The following NEDD4 variants were observed in gnomAD, a reference collection of about 807,000 sequenced individuals.
NEDD4 encodes the protein E3 ubiquitin-protein ligase NEDD4.
A neutral mutation model predicts 144.9 loss-of-function variants in NEDD4; 99 were observed. The ratio of observed to expected loss-of-function variants is 0.68; its 90% CI spans 0.58 to 0.81. NEDD4 has a LOEUF of 0.81. Among genes scored for constraint, NEDD4 ranks in the 30% least tolerant of loss-of-function variants. The pLI is 0.00. For synonymous variants in NEDD4, 318 were observed against 350.6 expected (o/e 0.91, Z 1.04); for missense variants, 985 against 1,065.9 (o/e 0.92, Z 1.06).
intron 5 of NEDD4, among the ~76,000 whole-genome samples, chr15:55,892,940 G>A (rs1287810508): frequency 6.6e-6 from 1 of 151,974 alleles, no homozygotes; most frequent in East Asian, 1.9e-4. Context: ...CAATCTAAAT[G>A]GTTTCAAATC....
At chr15:55,916,528 A>G in intron 5 of NEDD4, 2 of 1,614,102 alleles carry the variant, frequency 1.2e-6, no homozygotes, top group Non-Finnish European at 1.7e-6. Context: ...ACATTGCTAG[A>G]CTGAAGATAT....
intron 4 of NEDD4, among the ~76,000 whole-genome samples, chr15:55,927,092 A>G (rs1439273627): frequency 2.0e-5 from 3 of 150,768 alleles, no homozygotes; most frequent in African/African-American, 4.9e-5. Flanking sequence ...AAAAAAAAAA[A>G]AAAAAAAGAA....
chr15:55,901,757 T>C (rs1313903787), intron 5 of NEDD4, among the ~76,000 whole-genome samples: 1 of 152,134 alleles, frequency 6.6e-6, no homozygotes, highest in Non-Finnish European at 1.5e-5. Context: ...AATTATTACA[T>C]GTTACATATC....
intron 2 of NEDD4, among the ~76,000 whole-genome samples, chr15:55,962,126 T>A (rs150416184): frequency 1.3e-5 from 2 of 152,340 alleles, no homozygotes; most frequent in African/African-American, 4.8e-5. Context: ...CTTTATTCTT[T>A]ATCATCATGA....
At chr15:55,902,487 A>T (rs1255065066) in intron 5 of NEDD4, among the ~76,000 whole-genome samples, 2 of 152,156 alleles carry the variant, frequency 1.3e-5, no homozygotes, top group African/African-American at 2.4e-5. Context: ...TGTATTTTTT[A>T]AAAAAGATTC....
chr15:55,882,747 C>G (rs1374383560), intron 5 of NEDD4, among the ~76,000 whole-genome samples: 1 of 152,174 alleles, frequency 6.6e-6, no homozygotes, highest in Non-Finnish European at 1.5e-5. Flanking sequence ...GGCAGTGCAG[C>G]ATGCAGCTCT....
chr15:55,837,773 A>G lies in NEDD4; in HGVS notation c.2262+16T>C, dbSNP rs1303688034. On this transcript the variant is annotated intron_variant, in intron 24 of 28. Coordinates refer to ENST00000435532, the MANE Select transcript of NEDD4 (RefSeq NM_006154.4). ...ACTGTGACATTATGGAAGAGCAAAT[A>G]AAAGAAAATGAATACCTCTTTAAAA... 12 of 1,600,692 alleles carry G rather than the reference A, an allele frequency of 7.5e-6. No individual in the cohort carries two copies. The highest frequency in any genetic ancestry group is 9.4e-6 in the Non-Finnish European group (11 of 1,169,066).
At chr15:55,983,681 G>A (rs531375812) in intron 1 of NEDD4, among the ~76,000 whole-genome samples, 14 of 150,156 alleles carry the variant, frequency 9.3e-5, no homozygotes, top group Non-Finnish European at 1.6e-4. Context: ...GCGCAGTCTC[G>A]GTTCACTGCA....
At chr15:55,982,377 C>G (rs559375576) in intron 1 of NEDD4, among the ~76,000 whole-genome samples, 2 of 152,180 alleles carry the variant, frequency 1.3e-5, no homozygotes, top group South Asian at 4.2e-4. Flanking sequence ...ATCAATGTGT[C>G]CATCGAAGGA....
chr15:55,878,555 T>A (rs2035072507), intron 5 of NEDD4, among the ~76,000 whole-genome samples: 2 of 152,182 alleles, frequency 1.3e-5, no homozygotes, highest in African/African-American at 4.8e-5. Context: ...ATCAAAACTC[T>A]CTTATAAAGT....
At chr15:55,970,595 T>C (rs1167164189) in intron 1 of NEDD4, among the ~76,000 whole-genome samples, 2 of 152,076 alleles carry the variant, frequency 1.3e-5, no homozygotes, top group East Asian at 3.9e-4. Flanking sequence ...GAGACTCCAA[T>C]TGGTTGGGGG....
intron 4 of NEDD4, among the ~76,000 whole-genome samples, chr15:55,927,039 G>A (rs1355240105): frequency 2.3e-5 from 3 of 132,576 alleles, no homozygotes; most frequent in South Asian, 2.3e-4. Flanking sequence ...TCGTGCCGCC[G>A]CACTGTCCAG....
intron 2 of NEDD4, among the ~76,000 whole-genome samples, chr15:55,953,967 G>A (rs1339703274): frequency 6.6e-6 from 1 of 152,164 alleles, no homozygotes; most frequent in Non-Finnish European, 1.5e-5. Context: ...TGACCCTCCT[G>A]CCTCGGCCTC....
chr15:55,964,988 G>C (rs1346730015), intron 2 of NEDD4, among the ~76,000 whole-genome samples: 1 of 151,668 alleles, frequency 6.6e-6, no homozygotes, highest in Admixed American at 6.6e-5. Context: ...CTTTGTGTAC[G>C]CTAGGTCCCC....
At chr15:55,959,250 CTTT>C (rs796363587) in intron 2 of NEDD4, among the ~76,000 whole-genome samples, 2 of 152,172 alleles carry the variant, frequency 1.3e-5, no homozygotes, top group East Asian at 1.9e-4. Flanking sequence ...ATGTTTTCTT[CTTT>C]GACATATAGA....
intron 5 of NEDD4, chr15:55,915,237 G>C (rs1350778873): frequency 1.4e-6 from 2 of 1,469,616 alleles, no homozygotes; most frequent in Non-Finnish European, 1.8e-6. Context: ...ATTTCATTAA[G>C]TTATTCTCAT....
Position 55,920,512 on chromosome 15 carries a change from C to T in NEDD4, c.291+4134G>A, listed in dbSNP as rs531801073. Among the ~76,000 whole-genome samples the T allele has an allele frequency of 9.2e-5, 14 of 152,068 alleles. No individual in the cohort carries two copies. The South Asian group carries it at 1.7e-3, about 18-fold the overall frequency. The stretch of plus-strand genomic sequence containing the variant: ...TACCACCACCATCACCATAATGAAA[C>T]GACAATATTTTATAACACTCAAGTC... On this transcript the variant is annotated intron_variant, in intron 5 of 28. Transcript: ENST00000435532.
At position 55,948,583 on chromosome 15, in the gene NEDD4, A is replaced by T. The variant is rs181473174; in HGVS notation, c.237+2793T>A. Among the ~76,000 whole-genome samples, 493 of 152,330 alleles carry T rather than the reference A, an allele frequency of 3.2e-3. 2 individuals carry two copies. Among genetic ancestry groups the T allele is most frequent in the Non-Finnish European group, 6.1e-3 (412 of 68,028 alleles). ...ACAAGGCTACAGTAACCAAAACAGC[A>T]TGGTACTGGTATCAAAACAGAGATA... On this transcript the variant is annotated intron_variant, in intron 4 of 28. Coordinates refer to ENST00000435532, the MANE Select transcript of NEDD4 (RefSeq NM_006154.4).
chr15:55,903,824 CAAA>C (rs1198758409), intron 5 of NEDD4, among the ~76,000 whole-genome samples: 2 of 73,552 alleles, frequency 2.7e-5, no homozygotes, highest in Non-Finnish European at 5.3e-5. Flanking sequence ...GACTCCATCT[CAAA>C]AAAAAAAAAA....
Sources: allele counts gnomAD v4.1 joint callset (sites outside exome capture counted in the v4.1 genomes callset), GRCh38; gene constraint gnomAD v4.1.1; transcripts MANE v1.5; gene names NCBI Gene and HGNC (gene_info 2026-07-23, HGNC 2026-07-21).